Variants in CAB39 observed in about 807,000 individuals in gnomAD.
CAB39 encodes calcium-binding protein 39.
A neutral mutation model predicts 40.0 loss-of-function variants in CAB39; 8 were observed. That is an observed-to-expected ratio of 0.20 (90% CI 0.12 to 0.36). The LOEUF (loss-of-function observed/expected upper bound fraction) is 0.36. CAB39 is among the 10% of genes least tolerant of loss of function. The probability of loss-of-function intolerance (pLI) is 1.00; values close to 1 mark genes in which losing one functional copy is unlikely to be tolerated. For synonymous variants in CAB39, 156 were observed against 141.6 expected, an observed-to-expected ratio of 1.10 and a Z score of -0.72; for missense variants, 270 against 401.1, an observed-to-expected ratio of 0.67 and a Z score of 2.79.
At chr2:230,720,325 G>T (rs116234641) in intron 1 of CAB39, among the ~76,000 whole-genome samples, 1 of 152,132 alleles carries the variant, frequency 6.6e-6, no homozygotes, top group Admixed American at 6.5e-5. Context: ...TAGATCACAG[G>T]GTTCTTTGCA....
intron 1 of CAB39, among the ~76,000 whole-genome samples, chr2:230,754,492 T>TTCC (rs1188497410): frequency 2.2e-5 from 3 of 138,812 alleles, no homozygotes; most frequent in South Asian, 5.0e-4. Context: ...TCCGCTCCTC[T>TTCC]TCCTCCTCCT....
At chr2:230,785,119 A>G (rs572689438) in intron 2 of CAB39, among the ~76,000 whole-genome samples, 1 of 152,344 alleles carries the variant, frequency 6.6e-6, no homozygotes, top group South Asian at 2.1e-4. Flanking sequence ...TTTGGAATAC[A>G]TACATATACA....
At chr2:230,747,153 A>T (rs929298770) in intron 1 of CAB39, among the ~76,000 whole-genome samples, 1 of 152,092 alleles carries the variant, frequency 6.6e-6, no homozygotes, top group East Asian at 1.9e-4. Context: ...TAAACCTGGG[A>T]GGCAGAAGTT....
At chr2:230,796,539 C>T (rs1303760833) in intron 4 of CAB39, among the ~76,000 whole-genome samples, 1 of 152,114 alleles carries the variant, frequency 6.6e-6, no homozygotes, top group Non-Finnish European at 1.5e-5. Flanking sequence ...CCTTCTAAAG[C>T]TCAGCAAAGA....
intron 5 of CAB39, among the ~76,000 whole-genome samples, chr2:230,802,680 C>T (rs1015584857): frequency 6.6e-6 from 1 of 152,164 alleles, no homozygotes; most frequent in African/African-American, 2.4e-5. Context: ...AATTCCTGGA[C>T]ACATACACCT....
chr2:230,739,529 C>T (rs1431550817), intron 1 of CAB39, among the ~76,000 whole-genome samples: 1 of 152,172 alleles, frequency 6.6e-6, no homozygotes, highest in Non-Finnish European at 1.5e-5. Context: ...GAGTTTCGCC[C>T]TGTTGCCCAG....
intron 2 of CAB39, among the ~76,000 whole-genome samples, chr2:230,790,314 G>A (rs1241284328): frequency 3.3e-5 from 5 of 150,728 alleles, no homozygotes; most frequent in Admixed American, 6.6e-5. Context: ...GGTAAATCTG[G>A]CCCTTCTCTA....
At chr2:230,763,286 T>TA (rs1478013298) in intron 2 of CAB39, among the ~76,000 whole-genome samples, 1 of 152,188 alleles carries the variant, frequency 6.6e-6, no homozygotes, top group Non-Finnish European at 1.5e-5. Context: ...TTGCTTTAAG[T>TA]ATATAAAGAA....
At chr2:230,799,150 T>C (rs1696040531) in intron 5 of CAB39, 1 of 403,544 alleles carries the variant, frequency 2.5e-6, no homozygotes, top group African/African-American at 2.0e-5. Flanking sequence ...GCTGTTAAAT[T>C]ATAATTAAGT....
intron 5 of CAB39, among the ~76,000 whole-genome samples, chr2:230,801,122 G>A (rs1267708484): frequency 6.6e-6 from 1 of 152,280 alleles, no homozygotes; most frequent in South Asian, 2.1e-4. Flanking sequence ...TGGAAAGGAA[G>A]GAGCTGAGAG....
At chr2:230,723,661 G>A (rs764497212) in intron 1 of CAB39, among the ~76,000 whole-genome samples, 1 of 152,158 alleles carries the variant, frequency 6.6e-6, no homozygotes, top group Non-Finnish European at 1.5e-5. Context: ...CTTTGGTTGG[G>A]TTTAGCCAAT....
At chr2:230,737,317 A>G (rs1694803502) in intron 1 of CAB39, among the ~76,000 whole-genome samples, 2 of 152,196 alleles carry the variant, frequency 1.3e-5, no homozygotes, top group Non-Finnish European at 1.5e-5. Context: ...TAGTTTGACA[A>G]AACTTCAGTG....
At chr2:230,795,276 C>CAAA (rs397988179) in intron 4 of CAB39, among the ~76,000 whole-genome samples, 2 of 142,128 alleles carry the variant, frequency 1.4e-5, no homozygotes, top group African/African-American at 5.1e-5. Context: ...ACTTGATTTC[C>CAAA]AAAAAAAAAA....
intron 1 of CAB39, among the ~76,000 whole-genome samples, chr2:230,744,294 A>G (rs917080760): frequency 1.3e-5 from 2 of 150,470 alleles, no homozygotes; most frequent in African/African-American, 2.4e-5. Flanking sequence ...CCATATATAC[A>G]TATTTTTTCT....
intron 3 of CAB39, among the ~76,000 whole-genome samples, chr2:230,791,850 A>G (rs1354286051): frequency 6.6e-6 from 1 of 152,202 alleles, no homozygotes; most frequent in East Asian, 1.9e-4. Flanking sequence ...CCATCTGAAT[A>G]TTTGCGATGC....
chr2:230,750,617 T>C (rs113583009), intron 1 of CAB39, among the ~76,000 whole-genome samples: 2 of 152,336 alleles, frequency 1.3e-5, no homozygotes, highest in Non-Finnish European at 2.9e-5. Context: ...TTTGTTTTTA[T>C]TTTAAAAATT....
chr2:230,790,403 C>T (rs1695873680), intron 2 of CAB39, among the ~76,000 whole-genome samples: 1 of 152,180 alleles, frequency 6.6e-6, no homozygotes, highest in Non-Finnish European at 1.5e-5. Context: ...CCATTTTCTG[C>T]TCTCTTCCCT....
intron 2 of CAB39, among the ~76,000 whole-genome samples, chr2:230,772,982 TAAAAA>T (rs10713369): frequency 8.7e-6 from 1 of 115,084 alleles, no homozygotes; most frequent in African/African-American, 3.0e-5. Flanking sequence ...TACTCAGCAA[TAAAAA>T]AAAAAAAAAA....
chr2:230,812,124 A>G (rs1018190134), intron 6 of CAB39, among the ~76,000 whole-genome samples: 1 of 152,232 alleles, frequency 6.6e-6, no homozygotes, highest in African/African-American at 2.4e-5. Context: ...GAAATAAAAC[A>G]ATTAAAAGAT....
Sources: gnomAD v4.1 joint callset for allele counts (sites outside exome capture counted in the v4.1 genomes callset) on GRCh38, gnomAD v4.1.1 for gene constraint, MANE v1.5 for transcripts, NCBI Gene and HGNC (gene_info 2026-07-23, HGNC 2026-07-21) for gene names.